The following CNTNAP2 variants were observed in gnomAD, a reference collection of about 807,000 sequenced individuals.
CNTNAP2 encodes contactin associated protein 2, also known as contactin-associated protein-like 2.
In CNTNAP2, 98 loss-of-function variants were observed where a neutral mutation model predicts 155.2. The observed-to-expected ratio is 0.63, with a 90% CI of 0.54 to 0.75. The LOEUF (loss-of-function observed/expected upper bound fraction) is 0.75. Among genes scored for constraint, CNTNAP2 ranks in the 30% least tolerant of loss-of-function variants. The pLI is 0.00. For missense variants in CNTNAP2, 1,727 were observed against 1,688.1 expected (o/e 1.02, Z -0.40); for synonymous variants, 651 against 631.2 (o/e 1.03, Z -0.47).
intron 9 of CNTNAP2, among the ~76,000 whole-genome samples, chr7:147,386,215 G>T (rs1249346768): frequency 2.0e-5 from 3 of 152,058 alleles, no homozygotes; most frequent in Non-Finnish European, 4.4e-5. Context: ...GTGATGGGAG[G>T]GGCTGCCGCA....
intron 1 of CNTNAP2, among the ~76,000 whole-genome samples, chr7:146,772,913 C>T (rs1802321833): frequency 6.6e-6 from 1 of 152,104 alleles, no homozygotes; most frequent in African/African-American, 2.4e-5. Context: ...TCAGCTGCTG[C>T]CGGCAAAACT....
At chr7:147,706,759 C>A (rs563513993) in intron 13 of CNTNAP2, among the ~76,000 whole-genome samples, 3 of 152,258 alleles carry the variant, frequency 2.0e-5, no homozygotes, top group East Asian at 1.9e-4. Context: ...CTACAGCACC[C>A]AGAATTCAAA....
chr7:146,370,233 C>A (rs1331941799), intron 1 of CNTNAP2, among the ~76,000 whole-genome samples: 3 of 135,640 alleles, frequency 2.2e-5, no homozygotes, highest in Non-Finnish European at 4.6e-5. Flanking sequence ...ACAAGCCTGG[C>A]CAATAGGTGA....
intron 2 of CNTNAP2, among the ~76,000 whole-genome samples, chr7:146,774,657 C>A (rs1027078770): frequency 6.6e-6 from 1 of 151,942 alleles, no homozygotes; most frequent in Non-Finnish European, 1.5e-5. Context: ...ATGGCATAAA[C>A]GTTTAGAGTT....
At chr7:146,383,404 G>A (rs1489290677) in intron 1 of CNTNAP2, among the ~76,000 whole-genome samples, 1 of 152,128 alleles carries the variant, frequency 6.6e-6, no homozygotes, top group Non-Finnish European at 1.5e-5. Context: ...CAAAATGGGA[G>A]TCAGGTAGCT....
chr7:148,100,243 T>C (rs899358525), intron 15 of CNTNAP2, among the ~76,000 whole-genome samples: 5 of 152,068 alleles, frequency 3.3e-5, no homozygotes, highest in Non-Finnish European at 5.9e-5. Context: ...TTCCTTTTGT[T>C]CTGTCTAAAC....
chr7:147,968,008 T>C (rs1474209003), intron 14 of CNTNAP2, among the ~76,000 whole-genome samples: 1 of 152,216 alleles, frequency 6.6e-6, no homozygotes, highest in African/African-American at 2.4e-5. Context: ...GTTAAGTACA[T>C]ACGGGTAGCT....
intron 1 of CNTNAP2, among the ~76,000 whole-genome samples, chr7:146,189,615 G>A (rs1006606878): frequency 2.0e-5 from 3 of 152,134 alleles, no homozygotes; most frequent in African/African-American, 7.2e-5. Context: ...TTTAGACATT[G>A]TCAAAGAGAA....
chr7:146,974,941 TTGTC>T (rs1386869676), intron 3 of CNTNAP2, among the ~76,000 whole-genome samples: 1 of 152,078 alleles, frequency 6.6e-6, no homozygotes, highest in Non-Finnish European at 1.5e-5. Context: ...TGAGCAGAGA[TTGTC>T]TGGGTGACAG....
intron 1 of CNTNAP2, among the ~76,000 whole-genome samples, chr7:146,773,581 G>C (rs1019753820): frequency 6.6e-6 from 1 of 152,120 alleles, no homozygotes; most frequent in Non-Finnish European, 1.5e-5. Context: ...TTTTAGTAGA[G>C]ATGGGGTTTC....
At chr7:147,755,736 C>T (rs924617173) in intron 13 of CNTNAP2, among the ~76,000 whole-genome samples, 1 of 152,166 alleles carries the variant, frequency 6.6e-6, no homozygotes, top group African/African-American at 2.4e-5. Context: ...CCATCCAGTT[C>T]GCACTGGTTC....
intron 21 of CNTNAP2, among the ~76,000 whole-genome samples, chr7:148,289,368 G>C (rs116599009): frequency 1.3e-5 from 2 of 152,072 alleles, no homozygotes; most frequent in African/African-American, 4.8e-5. Flanking sequence ...TGAATGGCAA[G>C]ACTACATGTC....
chr7:147,032,933 T>C (rs928830988), intron 3 of CNTNAP2, among the ~76,000 whole-genome samples: 1 of 151,934 alleles, frequency 6.6e-6, no homozygotes, highest in Non-Finnish European at 1.5e-5. Context: ...CATCATGTGA[T>C]GCCCCTAAAG....
chr7:147,135,169 C>G (rs1448119981), intron 8 of CNTNAP2, among the ~76,000 whole-genome samples: 2 of 151,638 alleles, frequency 1.3e-5, no homozygotes, highest in Non-Finnish European at 3.0e-5. Context: ...TATTGTTCAC[C>G]CTATCTTTGT....
intron 11 of CNTNAP2, among the ~76,000 whole-genome samples, chr7:147,545,976 C>T (rs1286590814): frequency 6.6e-6 from 1 of 152,146 alleles, no homozygotes; most frequent in Non-Finnish European, 1.5e-5. Flanking sequence ...CTCTTGCCTG[C>T]CGCCATGTAA....
At chr7:147,887,044 C>T (rs565351256) in intron 13 of CNTNAP2, among the ~76,000 whole-genome samples, 25 of 152,290 alleles carry the variant, frequency 1.6e-4, no homozygotes, top group African/African-American at 6.0e-4. Context: ...GTTGCCTTTC[C>T]TTTATGTCAC....
intron 14 of CNTNAP2, among the ~76,000 whole-genome samples, chr7:147,939,421 C>G (rs1212567193): frequency 6.6e-6 from 1 of 151,946 alleles, no homozygotes; most frequent in Non-Finnish European, 1.5e-5. Flanking sequence ...CTCTGCCTCC[C>G]GGGTTCAAGC....
intron 11 of CNTNAP2, among the ~76,000 whole-genome samples, chr7:147,518,855 A>T (rs1799178893): frequency 6.6e-6 from 1 of 151,942 alleles, no homozygotes; most frequent in Non-Finnish European, 1.5e-5. Flanking sequence ...ACATAGTGAA[A>T]CCCCGTCTCT....
intron 1 of CNTNAP2, among the ~76,000 whole-genome samples, chr7:146,690,392 C>T (rs1800677392): frequency 6.6e-6 from 1 of 152,146 alleles, no homozygotes; most frequent in Non-Finnish European, 1.5e-5. Flanking sequence ...ACAGGGACTT[C>T]ATTCCCCTGT....
Sources: allele counts gnomAD v4.1 joint callset (sites outside exome capture counted in the v4.1 genomes callset), GRCh38; gene constraint gnomAD v4.1.1; transcripts MANE v1.5; gene names NCBI Gene and HGNC (gene_info 2026-07-23, HGNC 2026-07-21).